GAS2: variants seen among roughly 807,000 people sequenced by gnomAD.
GAS2 encodes the protein growth arrest-specific protein 2.
GAS2 carries 20 observed loss-of-function variants against 37.5 expected under a neutral mutation model. The observed-to-expected ratio is 0.53, with a 90% CI of 0.37 to 0.77. GAS2 has a LOEUF of 0.77. Ranked by LOEUF, GAS2 falls within the 30% of genes least tolerant of loss-of-function variation. GAS2 has a pLI of 0.00. For missense variants in GAS2, 336 were observed against 373.4 expected (o/e 0.90, Z 0.82); for synonymous variants, 144 against 132.2 (o/e 1.09, Z -0.61).
chr11:22,772,568 T>C (rs2134434833), intron 7 of GAS2, among the ~76,000 whole-genome samples: 1 of 152,252 alleles, frequency 6.6e-6, no homozygotes, highest in African/African-American at 2.4e-5. Context: ...TCGCTGAAGT[T>C]AGTATGATTT....
chr11:22,754,253 G>A (rs568036392), intron 6 of GAS2, among the ~76,000 whole-genome samples: 22 of 152,096 alleles, frequency 1.4e-4, no homozygotes, highest in African/African-American at 5.1e-4. Context: ...TTTAGTCAAT[G>A]TGTATTTAAT....
At chr11:22,806,006 G>GAGCT (rs1237426719) in intron 7 of GAS2, among the ~76,000 whole-genome samples, 1 of 152,022 alleles carries the variant, frequency 6.6e-6, no homozygotes, top group Non-Finnish European at 1.5e-5. Context: ...AGGTTTTTAT[G>GAGCT]AGCTGTGTCT....
chr11:22,705,282 A>G (rs989107240), intron 3 of GAS2, among the ~76,000 whole-genome samples: 11 of 152,068 alleles, frequency 7.2e-5, no homozygotes, highest in African/African-American at 2.7e-4. Context: ...GGGCCTTCAC[A>G]ATTGTTCTTC....
chr11:22,688,474 T>C (rs1022788053), intron 3 of GAS2: 2 of 152,186 alleles, frequency 1.3e-5, no homozygotes, highest in Non-Finnish European at 2.9e-5. Context: ...GTATTTAGCA[T>C]GAGAGCTGCT....
chr11:22,643,530 C>T (rs1256620210), intron 1 of GAS2, among the ~76,000 whole-genome samples: 1 of 150,674 alleles, frequency 6.6e-6, no homozygotes, highest in Non-Finnish European at 1.5e-5. Flanking sequence ...TTTGAAACTA[C>T]CTATTAATAC....
chr11:22,802,073 G>A (rs1422858964), intron 7 of GAS2, among the ~76,000 whole-genome samples: 1 of 151,998 alleles, frequency 6.6e-6, no homozygotes, highest in East Asian at 1.9e-4. Context: ...CAAGGAATGT[G>A]TATCATTAAT....
At chr11:22,695,602 A>G (rs1482189145) in intron 3 of GAS2, among the ~76,000 whole-genome samples, 1 of 152,158 alleles carries the variant, frequency 6.6e-6, no homozygotes, top group Non-Finnish European at 1.5e-5. Flanking sequence ...AGGGGACAGG[A>G]TTTTAGCAAA....
intron 7 of GAS2, among the ~76,000 whole-genome samples, chr11:22,763,610 TACACATACAC>T (rs767471015): frequency 9.5e-5 from 8 of 84,528 alleles, no homozygotes; most frequent in Admixed American, 8.3e-4. Flanking sequence ...TTTAAAAAAA[TACACATACAC>T]ACACACACAC....
intron 4 of GAS2, among the ~76,000 whole-genome samples, chr11:22,726,884 A>C (rs1263392617): frequency 6.6e-6 from 1 of 152,116 alleles, no homozygotes; most frequent in African/African-American, 2.4e-5. Context: ...CCTTTATTGA[A>C]CGTACAGATT....
intron 7 of GAS2, among the ~76,000 whole-genome samples, chr11:22,783,115 T>C (rs1312131202): frequency 6.6e-6 from 1 of 152,138 alleles, no homozygotes; most frequent in East Asian, 1.9e-4. Flanking sequence ...CGTCCTTTTC[T>C]TTTTGACATA....
chr11:22,633,366 C>G (rs1590550425), intron 1 of GAS2, among the ~76,000 whole-genome samples: 1 of 152,102 alleles, frequency 6.6e-6, no homozygotes, highest in East Asian at 1.9e-4. Flanking sequence ...GTGTGATGGC[C>G]TTCTCAGATG....
At chr11:22,632,225 T>A (rs1201599572) in intron 1 of GAS2, among the ~76,000 whole-genome samples, 6 of 152,140 alleles carry the variant, frequency 3.9e-5, no homozygotes, top group African/African-American at 1.4e-4. Flanking sequence ...TTTTCTTGGT[T>A]AAACTAGCTA....
chr11:22,808,605 G>A (rs574509658), intron 7 of GAS2, among the ~76,000 whole-genome samples: 36 of 152,328 alleles, frequency 2.4e-4, no homozygotes, highest in Admixed American at 3.9e-4. Context: ...TTTAAAAACT[G>A]TTGTGACTGG....
chr11:22,765,963 G>C (rs1406464729), intron 7 of GAS2, among the ~76,000 whole-genome samples: 1 of 152,160 alleles, frequency 6.6e-6, no homozygotes, highest in Non-Finnish European at 1.5e-5. Context: ...AGGAACAAGA[G>C]AGAGTGGGAG....
intron 3 of GAS2, among the ~76,000 whole-genome samples, chr11:22,706,179 A>T (rs1851107136): frequency 6.6e-6 from 1 of 152,176 alleles, no homozygotes; most frequent in South Asian, 2.1e-4. Flanking sequence ...CTTTAAAATG[A>T]CAACATTAGC....
At chr11:22,775,692 G>C (rs10734322) in intron 7 of GAS2, among the ~76,000 whole-genome samples, 26 of 152,116 alleles carry the variant, frequency 1.7e-4, no homozygotes, top group African/African-American at 5.5e-4. Flanking sequence ...AAAAACCTCC[G>C]GGTAATATCA....
At chr11:22,687,945 T>G (rs1022754051) in intron 3 of GAS2, among the ~76,000 whole-genome samples, 5 of 152,096 alleles carry the variant, frequency 3.3e-5, no homozygotes, top group Non-Finnish European at 5.9e-5. Context: ...TCCTCCAGAG[T>G]AGTAAAGATT....
intron 7 of GAS2, among the ~76,000 whole-genome samples, chr11:22,764,502 G>A (rs1362384217): frequency 6.7e-6 from 1 of 148,612 alleles, no homozygotes; most frequent in Non-Finnish European, 1.5e-5. Context: ...GGAGCTTGCA[G>A]TGAGTGGGGA....
At chr11:22,676,872 T>C (rs1849452659) in intron 2 of GAS2, among the ~76,000 whole-genome samples, 1 of 152,214 alleles carries the variant, frequency 6.6e-6, no homozygotes, top group African/African-American at 2.4e-5. Context: ...CACTGTGTCT[T>C]GGTTATATAA....
Sources: allele counts gnomAD v4.1 joint callset (sites outside exome capture counted in the v4.1 genomes callset), GRCh38; gene constraint gnomAD v4.1.1; transcripts MANE v1.5; gene names NCBI Gene and HGNC (gene_info 2026-07-23, HGNC 2026-07-21).